DCDC2: variants seen among roughly 807,000 people sequenced by gnomAD.
The protein encoded by DCDC2 is doublecortin domain containing 2, also known as doublecortin domain-containing protein 2.
Under a neutral mutation model 50.2 loss-of-function variants are expected in DCDC2, and 40 were observed. The ratio of observed to expected loss-of-function variants is 0.80; its 90% CI spans 0.62 to 1.04. The LOEUF (loss-of-function observed/expected upper bound fraction) is 1.04. Ranked by LOEUF, DCDC2 falls within the 50% of genes least tolerant of loss-of-function variation. DCDC2 has a pLI of 0.00. For missense variants in DCDC2, 570 were observed against 581.9 expected, an observed-to-expected ratio of 0.98 and a Z score of 0.21; for synonymous variants, 234 against 210.6, an observed-to-expected ratio of 1.11 and a Z score of -0.96.
chr6:24,315,538 C>T (rs1179386920), intron 2 of DCDC2, among the ~76,000 whole-genome samples: 1 of 152,110 alleles, frequency 6.6e-6, no homozygotes, highest in Non-Finnish European at 1.5e-5. Context: ...AGGCACTGGA[C>T]TAAGTGTTGA....
chr6:24,381,914 AAG>A, the DCDC2 span, among the ~76,000 whole-genome samples: 9 of 148,368 alleles, frequency 6.1e-5, no homozygotes, highest in East Asian at 2.0e-4. Flanking sequence ...GGAGAAAGAA[AAG>A]AGAGAAAGAG....
intron 7 of DCDC2, among the ~76,000 whole-genome samples, chr6:24,223,108 C>T (rs748367497): frequency 6.6e-6 from 1 of 152,110 alleles, no homozygotes; most frequent in Non-Finnish European, 1.5e-5. Context: ...AAACCTATAT[C>T]AGAAAACTTT....
At chr6:24,183,265 T>C (rs544268867) in intron 8 of DCDC2, among the ~76,000 whole-genome samples, 2 of 152,306 alleles carry the variant, frequency 1.3e-5, no homozygotes, top group African/African-American at 2.4e-5. Context: ...CTGAACTGTA[T>C]GTACACTTAA....
chr6:24,193,079 T>C (rs2113752402), intron 8 of DCDC2, among the ~76,000 whole-genome samples: 2 of 152,076 alleles, frequency 1.3e-5, no homozygotes, highest in South Asian at 2.1e-4. Context: ...AAAGGAAAAT[T>C]GAAGAATCCC....
At chr6:24,189,159 G>T (rs888748967) in intron 8 of DCDC2, among the ~76,000 whole-genome samples, 6 of 152,082 alleles carry the variant, frequency 3.9e-5, no homozygotes, top group African/African-American at 1.4e-4. Flanking sequence ...TATTTATTTT[G>T]TAACTGACAT....
chr6:24,357,825 C>T lies in DCDC2; in HGVS notation c.-75G>A, dbSNP rs538592788. Reference sequence around the variant, plus strand: ...CTCCGCTGTCCCAGCGGCCTCACCGCACCCAGGGCGCGGGATCGCCTCCTG... The same window carrying T: ...CTCCGCTGTCCCAGCGGCCTCACCGTACCCAGGGCGCGGGATCGCCTCCTG... On this transcript the variant is annotated 5_prime_UTR_variant, in exon 1 of 10. Transcript: ENST00000378454. 1 of 1,603,070 alleles carries T rather than the reference C, an allele frequency of 6.2e-7. No individual in the cohort carries two copies. The highest frequency in any genetic ancestry group is 1.1e-5 in the South Asian group (1 of 90,136).
intron 7 of DCDC2, among the ~76,000 whole-genome samples, chr6:24,249,903 A>G (rs1762762568): frequency 6.6e-6 from 1 of 152,170 alleles, no homozygotes; most frequent in Non-Finnish European, 1.5e-5. Context: ...TTCAGAAGGG[A>G]ATCACTGATT....
the DCDC2 span, among the ~76,000 whole-genome samples, chr6:24,374,165 A>T: frequency 6.6e-6 from 1 of 150,850 alleles, no homozygotes; most frequent in African/African-American, 2.4e-5. Flanking sequence ...CCATTTCAAA[A>T]AAAAAAAAAA....
chr6:24,178,711 A>ATAAGT, intron 8 of DCDC2, 79 bp from the exon 9 acceptor site: 8 of 1,328,038 alleles, frequency 6.0e-6, no homozygotes, highest in Non-Finnish European at 7.2e-6. Context: ...GTAATGTAAT[A>ATAAGT]CTTATATTAC....
At chr6:24,180,403 G>A (rs1038801132) in intron 8 of DCDC2, among the ~76,000 whole-genome samples, 3 of 151,886 alleles carry the variant, frequency 2.0e-5, no homozygotes, top group African/African-American at 7.3e-5. Context: ...TCCTGCCTCA[G>A]CCCCCCGAGT....
At chr6:24,249,552 C>T (rs115005266) in intron 7 of DCDC2, among the ~76,000 whole-genome samples, 2,034 of 152,280 alleles carry the variant, frequency 0.013, 22 homozygotes, top group Non-Finnish European at 0.02. Flanking sequence ...TTGCACAAAA[C>T]GCCTATATTT....
At chr6:24,258,468 A>AT (rs1762941440) in intron 7 of DCDC2, among the ~76,000 whole-genome samples, 1 of 152,134 alleles carries the variant, frequency 6.6e-6, no homozygotes, top group Admixed American at 6.5e-5. Flanking sequence ...TGATTGGTGC[A>AT]TTTTACAATC....
chr6:24,239,904 A>C (rs1475905408), intron 7 of DCDC2, among the ~76,000 whole-genome samples: 3 of 152,196 alleles, frequency 2.0e-5, no homozygotes, highest in Non-Finnish European at 4.4e-5. Context: ...TTCAATATTG[A>C]AAATCACTTG....
chr6:24,236,625 T>A (rs1762444520), intron 7 of DCDC2, among the ~76,000 whole-genome samples: 1 of 152,064 alleles, frequency 6.6e-6, no homozygotes, highest in South Asian at 2.1e-4. Context: ...GAATAGAATA[T>A]CTGCAAACTA....
chr6:24,284,246 T>C (rs1037963497), intron 6 of DCDC2, among the ~76,000 whole-genome samples: 3 of 152,160 alleles, frequency 2.0e-5, no homozygotes, highest in African/African-American at 7.2e-5. Flanking sequence ...CGTGTCCCAC[T>C]GCCTCCTGCT....
At chr6:24,235,734 A>T (rs1034134289) in intron 7 of DCDC2, among the ~76,000 whole-genome samples, 3 of 152,176 alleles carry the variant, frequency 2.0e-5, no homozygotes, top group African/African-American at 7.2e-5. Context: ...CCCTTGAGAA[A>T]TGGAACAAGA....
intron 2 of DCDC2, among the ~76,000 whole-genome samples, chr6:24,348,117 T>C (rs1760301380): frequency 6.6e-6 from 1 of 152,194 alleles, no homozygotes; most frequent in Non-Finnish European, 1.5e-5. Context: ...AAATCAGATG[T>C]GTGGACTTGG....
intron 7 of DCDC2, among the ~76,000 whole-genome samples, chr6:24,218,968 T>C (rs531857446): frequency 6.6e-6 from 1 of 152,330 alleles, no homozygotes; most frequent in Admixed American, 6.5e-5. Flanking sequence ...CTTTCTTAAC[T>C]GATAACTATG....
At chr6:24,239,492 C>G (rs1415713280) in intron 7 of DCDC2, among the ~76,000 whole-genome samples, 1 of 152,208 alleles carries the variant, frequency 6.6e-6, no homozygotes, top group Non-Finnish European at 1.5e-5. Context: ...CTTCTGGTAA[C>G]AAGCACTGCC....
Sources: gnomAD v4.1 joint callset for allele counts (sites outside exome capture counted in the v4.1 genomes callset) on GRCh38, gnomAD v4.1.1 for gene constraint, MANE v1.5 for transcripts, NCBI Gene and HGNC (gene_info 2026-07-23, HGNC 2026-07-21) for gene names.